The following NUDT9 variants were observed in gnomAD, a reference collection of about 807,000 sequenced individuals.
The protein encoded by NUDT9 is nudix hydrolase 9, also known as ADP-ribose pyrophosphatase.
A neutral mutation model predicts 41.0 loss-of-function variants in NUDT9; 31 were observed. The observed-to-expected ratio is 0.76, with a 90% CI of 0.57 to 1.02. The LOEUF is 1.02. Among genes scored for constraint, NUDT9 ranks in the 50% least tolerant of loss-of-function variants. The pLI is 0.00. For missense variants in NUDT9, 380 were observed against 431.4 expected (o/e 0.88, Z 1.06); for synonymous variants, 146 against 147.6 (o/e 0.99, Z 0.08).
intron 1 of NUDT9, among the ~76,000 whole-genome samples, chr4:87,429,772 T>C (rs927784323): frequency 2.7e-5 from 4 of 147,638 alleles, no homozygotes; most frequent in African/African-American, 9.9e-5. Flanking sequence ...CCCCCTCCCT[T>C]TCCTTTTCGT....
rs1723076200 is a variant in NUDT9, at chr4:87,458,258, G to A, written c.*237G>A. 5.8e-6 allele frequency: 2 copies of A among 346,496 alleles called. No homozygotes were observed. Among genetic ancestry groups the A allele is most frequent in the East Asian group, 8.9e-5 (2 of 22,386 alleles). The allele number at this position is 346,496 out of a possible 1,614,324, so 21.5% of individuals were successfully genotyped here. A position where few individuals can be genotyped will look rare whatever the true frequency, so the allele number is the denominator to read the frequency against. ...AAGTAATCATATTTTGTATGTATTC[G>A]ATTTAAGCATGGCTTAAATTAAATT... On this transcript the variant is annotated 3_prime_UTR_variant, in exon 8 of 8. Coordinates refer to ENST00000302174, the MANE Select transcript of NUDT9 (RefSeq NM_024047.5).
At chr4:87,427,751 T>G (rs1444718855) in intron 1 of NUDT9, among the ~76,000 whole-genome samples, 1 of 152,162 alleles carries the variant, frequency 6.6e-6, no homozygotes, top group African/African-American at 2.4e-5. Context: ...GGTATTTAAT[T>G]AATGGCCTTA....
rs762389898 is a variant in NUDT9 at position 87,449,148 on chromosome 4, A to G, written c.537A>G (p.Lys179=). The G allele has an allele frequency of 1.2e-5, 19 of 1,575,122 alleles. No homozygotes were observed. Among genetic ancestry groups the G allele is most frequent in the Non-Finnish European group, 1.4e-5 (16 of 1,145,110 alleles). ...HAADPIITRW[K]RDSSGNKIMH... is the part of the protein sequence containing the mutation. Reference sequence around the variant, plus strand: ...TTTATATTACTATTCACAGATGGAAAAGGGATAGCAGTGGAAATAAAATCA... The same window carrying G: ...TTTATATTACTATTCACAGATGGAAGAGGGATAGCAGTGGAAATAAAATCA... The change falls in exon 5 of 8, where the codon AAA becomes AAG. Residue 179 remains lysine, a synonymous_variant. Coordinates refer to ENST00000302174, the MANE Select transcript of NUDT9 (RefSeq NM_024047.5).
intron 1 of NUDT9, among the ~76,000 whole-genome samples, chr4:87,432,125 C>G (rs954120620): frequency 1.3e-5 from 2 of 152,178 alleles, no homozygotes; most frequent in African/African-American, 4.8e-5. Context: ...TGTGTAAATA[C>G]AGGTTGAGTA....
chr4:87,454,381 G>C lies in NUDT9; in HGVS notation c.800G>C (p.Gly267Ala). The change falls in exon 7 of 8, where the codon GGA (glycine) becomes GCA (alanine). Residue 267 changes from glycine (G) to alanine (A), a missense_variant. Transcript: ENST00000302174. The stretch of plus-strand genomic sequence containing the variant: ...TTCTTTTGAAAATAGATATATAAGG[G>C]ATATGTTGATGATCCTCGAAACACT... ...FSQDHLVIYK[G>A]YVDDPRNTDN... The C allele has an allele frequency of 6.2e-7, 1 of 1,606,330 alleles. No homozygotes were observed. Among genetic ancestry groups the C allele is most frequent in the Admixed American group, 1.7e-5 (1 of 59,998 alleles).
At chr4:87,447,885 A>C (rs928691968) in intron 4 of NUDT9, among the ~76,000 whole-genome samples, 1 of 151,970 alleles carries the variant, frequency 6.6e-6, no homozygotes, top group Non-Finnish European at 1.5e-5. Flanking sequence ...AAAAAAAATT[A>C]GCTGGGCATG....
chr4:87,438,346 G>T lies in NUDT9; in HGVS notation c.417G>T (p.Leu139=). The change falls in exon 3 of 8, where the codon CTG becomes CTT. Residue 139 remains leucine, a synonymous_variant. Transcript: ENST00000302174. ...TTGAGAGAAAGAGCAAGAATGGCCT[G>T]TATGAGATTGAAAATGGAAGACCGA... ...GHVERKSKNG[L]YEIENGRPRN... 6.2e-7 allele frequency: 1 copy of T among 1,609,552 alleles called. No individual in the cohort carries two copies. The highest frequency in any genetic ancestry group is 1.3e-5 in the African/African-American group (1 of 74,922).
intron 3 of NUDT9, among the ~76,000 whole-genome samples, chr4:87,438,904 C>T (rs149290050): frequency 0.022 from 3,308 of 152,284 alleles, 127 homozygotes; most frequent in African/African-American, 0.076. Context: ...CAGTGGCTCA[C>T]GCCTGTAATC....
chr4:87,442,046 T>C, intron 4 of NUDT9, 131 bp downstream of exon 4: 1 of 634,000 alleles, frequency 1.6e-6, no homozygotes. Context: ...TATATATGTA[T>C]GTATACAGTC....
chr4:87,452,732 G>A (rs1224613530), intron 6 of NUDT9, among the ~76,000 whole-genome samples: 1 of 151,696 alleles, frequency 6.6e-6, no homozygotes, highest in Admixed American at 6.6e-5. Flanking sequence ...AGGATTACAG[G>A]TGTGAGCCTG....
chr4:87,432,797 A>T, intron 1 of NUDT9, among the ~76,000 whole-genome samples: 1 of 151,274 alleles, frequency 6.6e-6, no homozygotes. Context: ...TTAATGTGAT[A>T]CATTATGTTG....
intron 1 of NUDT9, among the ~76,000 whole-genome samples, chr4:87,426,714 GTTC>G (rs778529349): frequency 1.3e-4 from 19 of 150,342 alleles, no homozygotes; most frequent in Non-Finnish European, 2.2e-4. Flanking sequence ...TGGCCTTAAT[GTTC>G]TTATTTATAA....
chr4:87,454,134 A>G (rs576493763), intron 6 of NUDT9, among the ~76,000 whole-genome samples: 1 of 152,236 alleles, frequency 6.6e-6, no homozygotes, highest in Non-Finnish European at 1.5e-5. Context: ...AAGTGCTGCG[A>G]TTACAGGCGT....
chr4:87,438,592 G>A (rs1722060406), intron 3 of NUDT9, among the ~76,000 whole-genome samples: 1 of 152,070 alleles, frequency 6.6e-6, no homozygotes, highest in Non-Finnish European at 1.5e-5. Context: ...GCTAGTAAGT[G>A]GCAGAGGCAG....
intron 4 of NUDT9, among the ~76,000 whole-genome samples, chr4:87,447,531 C>G (rs1489484318): frequency 6.7e-6 from 1 of 149,568 alleles, no homozygotes; most frequent in African/African-American, 2.5e-5. Context: ...AGGACAATTC[C>G]TAAAATTGGG....
intron 6 of NUDT9, among the ~76,000 whole-genome samples, chr4:87,453,237 T>C (rs1049810090): frequency 6.6e-6 from 1 of 152,194 alleles, no homozygotes; most frequent in Non-Finnish European, 1.5e-5. Flanking sequence ...TATCTTCATA[T>C]ATTAATAGCT....
chr4:87,457,792 G>C, intron 7 of NUDT9, 51 bp from the exon 8 acceptor site: 2 of 1,516,344 alleles, frequency 1.3e-6, no homozygotes, highest in Non-Finnish European at 1.8e-6. Context: ...ACATAGATAT[G>C]CTAAAACAGA....
chr4:87,450,594 G>T (rs1040484517), intron 5 of NUDT9, among the ~76,000 whole-genome samples: 1 of 151,660 alleles, frequency 6.6e-6, no homozygotes, highest in Non-Finnish European at 1.5e-5. Flanking sequence ...GGCCAGGCTG[G>T]TCTTGAACTC....
chr4:87,429,200 G>A (rs923345804), intron 1 of NUDT9, among the ~76,000 whole-genome samples: 6 of 152,124 alleles, frequency 3.9e-5, no homozygotes, highest in Non-Finnish European at 7.4e-5. Flanking sequence ...TGCCCAGGCT[G>A]GAGTGCAGTG....
Sources: gnomAD v4.1 joint callset for allele counts (sites outside exome capture counted in the v4.1 genomes callset) on GRCh38, gnomAD v4.1.1 for gene constraint, MANE v1.5 for transcripts, NCBI Gene and HGNC (gene_info 2026-07-23, HGNC 2026-07-21) for gene names.